The following ERICH2 variants were observed in gnomAD, a reference collection of about 807,000 sequenced individuals.
ERICH2 encodes glutamate rich 2.
A neutral mutation model predicts 17.4 loss-of-function variants in ERICH2; 17 were observed. The ratio of observed to expected loss-of-function variants is 0.98; its 90% CI spans 0.67 to 1.47. ERICH2 has a LOEUF of 1.47. Among genes scored for constraint, ERICH2 ranks in the 40% most tolerant of loss-of-function variants. The pLI is 0.00. For missense variants in ERICH2, 186 were observed against 183.2 expected (o/e 1.01, Z -0.09); for synonymous variants, 51 against 61.1 (o/e 0.83, Z 0.77).
At chr2:170,783,712 T>G, upstream of ERICH2, 95 of 1,366,206 alleles carry the variant, frequency 7.0e-5, no homozygotes, top group East Asian at 7.6e-5. Context: ...GTGAAGTAAA[T>G]GAGACAGTTC....
rs1329753351 is a variant in ERICH2, at chr2:170,788,078, A to G, written c.216+3245A>G. Among the ~76,000 whole-genome samples, 5 of 152,230 alleles carry G rather than the reference A, an allele frequency of 3.3e-5. No homozygotes were observed. The East Asian group carries it at 9.6e-4, about 29-fold the overall frequency. Reference sequence around the variant, plus strand: ...TTAATTGCTAGCCATGGAATAATATAAAGAAATCAGTCATATTATATTTAC... The same window carrying G: ...TTAATTGCTAGCCATGGAATAATATGAAGAAATCAGTCATATTATATTTAC... On this transcript the variant is annotated intron_variant, in intron 2 of 4. Coordinates refer to ENST00000409885, the Ensembl canonical transcript of ERICH2.
intron 1 of ERICH2, among the ~76,000 whole-genome samples, chr2:170,784,252 C>T (rs1012265759): frequency 6.6e-6 from 1 of 152,104 alleles, no homozygotes; most frequent in Non-Finnish European, 1.5e-5. Flanking sequence ...TAGTATTTCC[C>T]CAGGAGATGA....
chr2:170,777,882 A>G, the ERICH2 span: 1 of 395,668 alleles, frequency 2.5e-6, no homozygotes, highest in Non-Finnish European at 4.5e-6. Flanking sequence ...TTTGATAAAA[A>G]TGCAGAAGTA....
At chr2:170,774,550 C>T in the ERICH2 span, among the ~76,000 whole-genome samples, 3 of 141,608 alleles carry the variant, frequency 2.1e-5, no homozygotes, top group East Asian at 6.3e-4. Flanking sequence ...GTCTCTTTCA[C>T]TCAAGAGCCC....
intron 1 of ERICH2, 101 bp from the exon 7 acceptor site, chr2:170,784,545 T>A: frequency 1.8e-6 from 1 of 559,968 alleles, no homozygotes; most frequent in Non-Finnish European, 3.0e-6. Flanking sequence ...TATGTTACTT[T>A]TATTAATATA....
chr2:170,784,790 AC>A lies in ERICH2; in HGVS notation c.176del (p.Pro59LeufsTer9). The A allele has an allele frequency of 6.5e-7, 1 of 1,538,268 alleles. No individual in the cohort carries two copies. The highest frequency in any genetic ancestry group is 8.8e-7 in the Non-Finnish European group (1 of 1,141,758). On this transcript the variant is annotated frameshift_variant, in exon 2 of 5. Transcript: ENST00000409885. LOFTEE classifies it high-confidence loss of function. ...GATGAAGATGATGATGAAGATAGTA[AC>A]CCTAAAAAGAATACTCAGGCCCCAC...
the ERICH2 span, among the ~76,000 whole-genome samples, chr2:170,772,602 A>C: frequency 2.0e-5 from 3 of 152,210 alleles, no homozygotes; most frequent in African/African-American, 7.2e-5. Flanking sequence ...AAATATATAA[A>C]ATTTATATTT....
At chr2:170,787,540 A>G (rs2111000) in intron 2 of ERICH2, among the ~76,000 whole-genome samples, 106,135 of 152,136 alleles carry the variant, frequency 0.7, 37,171 homozygotes, top group East Asian at 0.79. Context: ...ATAGCCAGTG[A>G]TTATTCCACC....
intron 2 of ERICH2, among the ~76,000 whole-genome samples, chr2:170,792,037 T>A (rs908705275): frequency 6.6e-6 from 1 of 151,916 alleles, no homozygotes; most frequent in African/African-American, 2.4e-5. Flanking sequence ...TATAGGGGAT[T>A]TTTTTGTGCA....
chr2:170,791,639 G>C (rs969156743), intron 2 of ERICH2, among the ~76,000 whole-genome samples: 9 of 151,790 alleles, frequency 5.9e-5, no homozygotes, highest in African/African-American at 2.2e-4. Flanking sequence ...GCAGTGAGCC[G>C]AGATCGCGCC....
intron 3 of ERICH2, 151 bp from the exon 9 acceptor site, chr2:170,797,890 A>T (rs192182446): frequency 8.9e-5 from 49 of 551,680 alleles, no homozygotes; most frequent in African/African-American, 6.8e-4. Flanking sequence ...CTCTATTTGT[A>T]CTCAGATATA....
At chr2:170,779,764 A>G, upstream of ERICH2, 3 of 823,518 alleles carry the variant, frequency 3.6e-6, no homozygotes, top group Non-Finnish European at 4.4e-6. Flanking sequence ...ATAATGAGCT[A>G]TTTTTTATTC....
the ERICH2 span, chr2:170,777,765 C>A: frequency 3.2e-6 from 3 of 944,778 alleles, no homozygotes; most frequent in Non-Finnish European, 4.1e-6. Context: ...ATTTGTCACC[C>A]AATTAAATTT....
At chr2:170,770,723 C>A in the ERICH2 span, 1 of 155,220 alleles carries the variant, frequency 6.4e-6, no homozygotes, top group African/African-American at 2.4e-5. Flanking sequence ...CTTCGGCGCT[C>A]CTGAAGGTAA....
upstream of ERICH2, among the ~76,000 whole-genome samples, chr2:170,782,958 C>A (rs543359370): frequency 2.0e-5 from 3 of 152,082 alleles, no homozygotes; most frequent in African/African-American, 7.2e-5. Context: ...AATTGCCAAG[C>A]ACGCTAGTAT....
At chr2:170,794,112 T>TTC (rs1701359885) in intron 3 of ERICH2, among the ~76,000 whole-genome samples, 1 of 139,174 alleles carries the variant, frequency 7.2e-6, no homozygotes, top group Non-Finnish European at 1.6e-5. Flanking sequence ...TTTCTTTTTT[T>TTC]TTTTTTTTTT....
At chr2:170,784,774 G>C in exon 2 of ERICH2, 1 of 1,543,158 alleles carries the variant, frequency 6.5e-7, no homozygotes, top group Admixed American at 2.0e-5. Flanking sequence ...TGATGAAGAT[G>C]ATGATGAAGA....
upstream of ERICH2, among the ~76,000 whole-genome samples, chr2:170,778,853 GTGT>G (rs1192855977): frequency 6.6e-6 from 1 of 152,172 alleles, no homozygotes; most frequent in African/African-American, 2.4e-5. Context: ...GTGATAAGCA[GTGT>G]TGGAACTGGA....
At chr2:170,773,242 T>C in the ERICH2 span, among the ~76,000 whole-genome samples, 1 of 152,236 alleles carries the variant, frequency 6.6e-6, no homozygotes, top group Non-Finnish European at 1.5e-5. Context: ...GTGTTAACTG[T>C]AAACTGATTT....
Sources: gnomAD v4.1 joint callset for allele counts (sites outside exome capture counted in the v4.1 genomes callset) on GRCh38, gnomAD v4.1.1 for gene constraint, MANE v1.5 for transcripts, NCBI Gene and HGNC (gene_info 2026-07-23, HGNC 2026-07-21) for gene names.